Variants in RAP1A observed in about 807,000 individuals in gnomAD.
RAP1A encodes RAP1A, member of RAS oncogene family, also known as ras-related protein Rap-1A.
RAP1A carries 6 observed loss-of-function variants against 26.4 expected under a neutral mutation model. The observed-to-expected ratio is 0.23, with a 90% CI of 0.12 to 0.45. The LOEUF is 0.45. RAP1A is among the 20% of genes least tolerant of loss of function. The pLI, the probability that RAP1A is intolerant of heterozygous loss-of-function variation, is 0.99. For synonymous variants in RAP1A, 73 were observed against 79.4 expected (o/e 0.92, Z 0.43); for missense variants, 121 against 217.2 (o/e 0.56, Z 2.78).
chr1:111,648,183 G>GTGTGTT, intron 1 of RAP1A: 1 of 297,408 alleles, frequency 3.4e-6, no homozygotes, highest in East Asian at 7.3e-5. Context: ...CAGTGTGTGT[G>GTGTGTT]TGTGTGTGTG....
At chr1:111,663,278 T>G (rs1392380234) in intron 1 of RAP1A, among the ~76,000 whole-genome samples, 1 of 152,002 alleles carries the variant, frequency 6.6e-6, no homozygotes, top group Non-Finnish European at 1.5e-5. Flanking sequence ...TTCCCTCACT[T>G]CCCCCAGTGT....
intron 1 of RAP1A, among the ~76,000 whole-genome samples, chr1:111,546,543 T>C (rs1223928971): frequency 6.6e-6 from 1 of 152,180 alleles, no homozygotes; most frequent in Non-Finnish European, 1.5e-5. Context: ...GTGACTGCCT[T>C]ATTTCACTTA....
chr1:111,574,072 G>C (rs1658101382), intron 1 of RAP1A, among the ~76,000 whole-genome samples: 2 of 152,152 alleles, frequency 1.3e-5, no homozygotes, highest in Non-Finnish European at 2.9e-5. Flanking sequence ...TTGTCTTTCA[G>C]AGTTTTTATA....
chr1:111,628,994 G>A (rs1038953100), intron 1 of RAP1A, among the ~76,000 whole-genome samples: 2 of 152,056 alleles, frequency 1.3e-5, no homozygotes, highest in African/African-American at 4.8e-5. Context: ...TGGTTAACAG[G>A]ATATCCTCGC....
At chr1:111,561,665 T>C (rs898391491) in intron 1 of RAP1A, among the ~76,000 whole-genome samples, 1 of 152,206 alleles carries the variant, frequency 6.6e-6, no homozygotes, top group African/African-American at 2.4e-5. Flanking sequence ...TGCTCACTAC[T>C]ATAGAATTTT....
intron 1 of RAP1A, among the ~76,000 whole-genome samples, chr1:111,600,500 G>A (rs181978233): frequency 6.3e-4 from 96 of 152,354 alleles, no homozygotes; most frequent in Non-Finnish European, 1.1e-3. Context: ...CAGCAAGGCT[G>A]TTTGTCTTCT....
At chr1:111,699,375 C>T (rs1661941816) in intron 4 of RAP1A, among the ~76,000 whole-genome samples, 1 of 151,890 alleles carries the variant, frequency 6.6e-6, no homozygotes, top group African/African-American at 2.4e-5. Flanking sequence ...TATGTGATTA[C>T]CAATAAGTAT....
chr1:111,648,731 C>A, intron 1 of RAP1A: 1 of 591,030 alleles, frequency 1.7e-6, no homozygotes. Flanking sequence ...CAGCAGACTG[C>A]GTGGTGACCA....
chr1:111,559,437 G>T (rs1657643284), intron 1 of RAP1A, among the ~76,000 whole-genome samples: 1 of 152,130 alleles, frequency 6.6e-6, no homozygotes, highest in South Asian at 2.1e-4. Flanking sequence ...AACCAAATAT[G>T]GAAGTCAGCA....
rs1662490400 is a variant in RAP1A, at chr1:111,714,918, G to A, written c.*2517G>A. Reference sequence around the variant, plus strand: ...TTTAAAGTATAATGACTTTGGTTTGGTTATATGAGTGACACAGAATTTAAG... The same window carrying A: ...TTTAAAGTATAATGACTTTGGTTTGATTATATGAGTGACACAGAATTTAAG... On this transcript the variant is annotated 3_prime_UTR_variant, in exon 8 of 8. Coordinates refer to ENST00000369709, the MANE Select transcript of RAP1A (RefSeq NM_002884.4). The A allele has an allele frequency of 6.6e-6, 1 of 152,126 alleles. No individual in the cohort carries two copies. Among genetic ancestry groups the A allele is most frequent in the Non-Finnish European group, 1.5e-5 (1 of 68,028 alleles). The allele number at this position is 152,126 out of a possible 1,614,324, so 9.4% of individuals were successfully genotyped here.
At chr1:111,583,083 A>G (rs1255895950) in intron 1 of RAP1A, among the ~76,000 whole-genome samples, 3 of 152,176 alleles carry the variant, frequency 2.0e-5, no homozygotes, top group Non-Finnish European at 2.9e-5. Flanking sequence ...AGATTTCTGT[A>G]TTTCCGGATC....
chr1:111,708,058 C>T (rs1297203851), intron 6 of RAP1A, among the ~76,000 whole-genome samples: 1 of 152,118 alleles, frequency 6.6e-6, no homozygotes, highest in Non-Finnish European at 1.5e-5. Context: ...CGCTGTAGCT[C>T]CCAGCCGTTC....
At chr1:111,563,069 G>C (rs568411430) in intron 1 of RAP1A, among the ~76,000 whole-genome samples, 1 of 152,130 alleles carries the variant, frequency 6.6e-6, no homozygotes, top group Non-Finnish European at 1.5e-5. Context: ...AGTAAGCAGC[G>C]TACTCAAAGT....
chr1:111,650,646 CT>C (rs1235738496), intron 1 of RAP1A: 1 of 152,152 alleles, frequency 6.6e-6, no homozygotes, highest in African/African-American at 2.4e-5. Flanking sequence ...AACAAATCCC[CT>C]ACCAAATTGG....
chr1:111,640,441 A>G (rs76987197), intron 1 of RAP1A, among the ~76,000 whole-genome samples: 3 of 152,322 alleles, frequency 2.0e-5, no homozygotes, highest in East Asian at 1.9e-4. Context: ...AATAATAGCC[A>G]TCTGATAGCA....
chr1:111,701,691 C>T (rs1055897167), intron 4 of RAP1A, among the ~76,000 whole-genome samples: 2 of 152,188 alleles, frequency 1.3e-5, no homozygotes, highest in Non-Finnish European at 2.9e-5. Flanking sequence ...TTTTCTTAAA[C>T]TGGATTTTCA....
chr1:111,574,674 C>T (rs1230473686), intron 1 of RAP1A, among the ~76,000 whole-genome samples: 8 of 152,208 alleles, frequency 5.3e-5, no homozygotes, highest in South Asian at 2.1e-4. Flanking sequence ...TCTTTCACTT[C>T]TCCTGGGACA....
chr1:111,582,292 G>A (rs1258162328), intron 1 of RAP1A, among the ~76,000 whole-genome samples: 1 of 152,140 alleles, frequency 6.6e-6, no homozygotes, highest in Non-Finnish European at 1.5e-5. Context: ...GACCACAAGG[G>A]GTGGAGAAGT....
chr1:111,571,891 C>T (rs375975668), intron 1 of RAP1A, among the ~76,000 whole-genome samples: 7 of 152,170 alleles, frequency 4.6e-5, no homozygotes, highest in South Asian at 2.1e-4. Context: ...ATTTCTGATT[C>T]GGGAGTTTTC....
Sources: allele counts gnomAD v4.1 joint callset (sites outside exome capture counted in the v4.1 genomes callset), GRCh38; gene constraint gnomAD v4.1.1; transcripts MANE v1.5; gene names NCBI Gene and HGNC (gene_info 2026-07-23, HGNC 2026-07-21).